Variants in PDZRN4 observed in about 807,000 individuals in gnomAD.
The protein encoded by PDZRN4 is PDZ domain containing ring finger 4.
In PDZRN4, 70 loss-of-function variants were observed where a neutral mutation model predicts 99.0. The observed-to-expected ratio is 0.71, with a 90% CI of 0.58 to 0.86. The LOEUF is 0.86. PDZRN4 is among the 40% of genes least tolerant of loss of function. The probability of loss-of-function intolerance (pLI) is 0.00; values close to 1 mark genes in which losing one functional copy is unlikely to be tolerated. For missense variants in PDZRN4, 1,474 were observed against 1,331.2 expected (o/e 1.11, Z -1.67); for synonymous variants, 551 against 501.6 (o/e 1.10, Z -1.32).
chr12:41,555,653 G>T, intron 6 of PDZRN4, 45 bp from the exon 7 acceptor site: 1 of 1,425,740 alleles, frequency 7.0e-7, no homozygotes, highest in Non-Finnish European at 9.9e-7. Flanking sequence ...GTTCTTGAGG[G>T]AATGTTTCAT....
Position 41,327,984 on chromosome 12 carries a change from G to A in PDZRN4, c.843+133796G>A, listed in dbSNP as rs537728591. The stretch of plus-strand genomic sequence containing the variant: ...TTTTTGTTTATGCTGGGACATGGCT[G>A]ATATTAGCAAAACTACACTAATGAA... On this transcript the variant is annotated intron_variant, in intron 3 of 9. Coordinates refer to ENST00000402685, the MANE Select transcript of PDZRN4 (RefSeq NM_001164595.2). 2.0e-5 allele frequency among the ~76,000 whole-genome samples: 3 copies of A among 152,166 alleles called. No individual in the cohort carries two copies. In the South Asian group the frequency reaches 6.2e-4, roughly 32 times the overall value.
intron 3 of PDZRN4, among the ~76,000 whole-genome samples, chr12:41,378,453 TC>T (rs1303066447): frequency 6.6e-6 from 1 of 151,816 alleles, no homozygotes; most frequent in Admixed American, 6.6e-5. Flanking sequence ...ATTGTCTTTA[TC>T]CAATTTTCAT....
At chr12:41,501,142 T>C (rs961247233) in intron 3 of PDZRN4, among the ~76,000 whole-genome samples, 8 of 152,194 alleles carry the variant, frequency 5.3e-5, no homozygotes, top group South Asian at 2.1e-4. Context: ...GCTTCTTTTA[T>C]GGCGCCTTCT....
At chr12:41,400,781 T>C (rs1218405058) in intron 3 of PDZRN4, among the ~76,000 whole-genome samples, 1 of 152,192 alleles carries the variant, frequency 6.6e-6, no homozygotes, top group Non-Finnish European at 1.5e-5. Context: ...CAGATGTTGC[T>C]TTACAAGTCA....
At chr12:41,564,022 A>G (rs1452145533) in intron 8 of PDZRN4, among the ~76,000 whole-genome samples, 3 of 152,194 alleles carry the variant, frequency 2.0e-5, no homozygotes, top group Non-Finnish European at 4.4e-5. Context: ...ATAAATACTC[A>G]AATGAAAAAT....
rs1001803283 is a variant in PDZRN4 at position 41,188,415 on chromosome 12, C to G, written c.-41C>G. On this transcript the variant is annotated 5_prime_UTR_variant, in exon 1 of 10. Coordinates refer to ENST00000402685, the MANE Select transcript of PDZRN4 (RefSeq NM_001164595.2). ...GGAAGGCAGGGGGGCTCGGAGAAGA[C>G]GGACTCTGCTTTCGCTCCCCCTTTC... The G allele has an allele frequency of 4.7e-6, 7 of 1,490,370 alleles. No homozygotes were observed. The East Asian group carries it at 1.3e-4, about 27-fold the overall frequency. 92.3% of individuals were successfully genotyped at this position (1,490,370 alleles called of 1,614,324 possible).
chr12:41,202,511 C>G (rs1950823775), intron 3 of PDZRN4, among the ~76,000 whole-genome samples: 1 of 152,016 alleles, frequency 6.6e-6, no homozygotes, highest in East Asian at 1.9e-4. Context: ...GGTGCCTGAT[C>G]CTCTTAAGCC....
At chr12:41,203,455 G>A (rs1950829851) in intron 3 of PDZRN4, among the ~76,000 whole-genome samples, 1 of 152,026 alleles carries the variant, frequency 6.6e-6, no homozygotes, top group African/African-American at 2.4e-5. Context: ...CAAATGACAA[G>A]GTAGGACTTG....
At chr12:41,473,594 A>C (rs946993134) in intron 3 of PDZRN4, 2 of 152,154 alleles carry the variant, frequency 1.3e-5, no homozygotes, top group Non-Finnish European at 2.9e-5. Flanking sequence ...AACTGCACAC[A>C]CTGCATGTTT....
chr12:41,388,349 A>G (rs1397903115), intron 3 of PDZRN4, among the ~76,000 whole-genome samples: 2 of 151,932 alleles, frequency 1.3e-5, no homozygotes, highest in Non-Finnish European at 1.5e-5. Context: ...TACCTATGTA[A>G]CAAACTACAC....
chr12:41,467,644 A>T (rs1952941180), intron 3 of PDZRN4, among the ~76,000 whole-genome samples: 1 of 151,988 alleles, frequency 6.6e-6, no homozygotes, highest in Non-Finnish European at 1.5e-5. Context: ...TAACACATCC[A>T]CTCTTACCTT....
At chr12:41,508,928 T>G (rs1938255999) in intron 4 of PDZRN4, among the ~76,000 whole-genome samples, 1 of 152,152 alleles carries the variant, frequency 6.6e-6, no homozygotes, top group African/African-American at 2.4e-5. Flanking sequence ...AACTTGTCAA[T>G]TGTATTTAGG....
At chr12:41,314,758 T>C (rs1479759582) in intron 3 of PDZRN4, among the ~76,000 whole-genome samples, 1 of 152,184 alleles carries the variant, frequency 6.6e-6, no homozygotes, top group Non-Finnish European at 1.5e-5. Context: ...TTTTTGCTTT[T>C]GTTTTTCCCA....
At chr12:41,539,977 C>T (rs1052826107) in intron 5 of PDZRN4, among the ~76,000 whole-genome samples, 3 of 152,050 alleles carry the variant, frequency 2.0e-5, no homozygotes, top group Non-Finnish European at 4.4e-5. Context: ...AGATGTAATG[C>T]ATTTCATGTA....
intron 3 of PDZRN4, among the ~76,000 whole-genome samples, chr12:41,207,626 A>G (rs1950860528): frequency 1.3e-5 from 2 of 151,814 alleles, no homozygotes; most frequent in South Asian, 2.1e-4. Context: ...TTCAATCAGA[A>G]TGGTAAGGAT....
chr12:41,457,439 C>T (rs1379762), intron 3 of PDZRN4, among the ~76,000 whole-genome samples: 78,387 of 151,692 alleles, frequency 0.52, 20,749 homozygotes, highest in African/African-American at 0.65. Flanking sequence ...ATTTTAAAGA[C>T]GATTTTCTTT....
At chr12:41,343,309 T>C (rs961318022) in intron 3 of PDZRN4, among the ~76,000 whole-genome samples, 7 of 152,036 alleles carry the variant, frequency 4.6e-5, no homozygotes, top group Admixed American at 6.6e-5. Context: ...GTTTCATTTT[T>C]AATTGAGCTT....
rs10880080 is a variant in PDZRN4 at position 41,487,871 on chromosome 12, A to G, written c.844-18585A>G. On this transcript the variant is annotated intron_variant, in intron 3 of 9. Transcript: ENST00000402685. ...TTCCCAAATTGGAGTTAAACTTAAG[A>G]AAGTAGTTCTTCATTCGGTAAACAT... Among the ~76,000 whole-genome samples the G allele has an allele frequency of 5.3e-3, 803 of 152,340 alleles. 39 individuals carry two copies. The East Asian group carries it at 0.12, about 24-fold the overall frequency.
intron 3 of PDZRN4, among the ~76,000 whole-genome samples, chr12:41,475,890 G>C (rs1953038694): frequency 6.6e-6 from 1 of 152,050 alleles, no homozygotes. Context: ...AATGTTGTCT[G>C]TACCATTTTT....
Sources: gnomAD v4.1 joint callset for allele counts (sites outside exome capture counted in the v4.1 genomes callset) on GRCh38, gnomAD v4.1.1 for gene constraint, MANE v1.5 for transcripts, NCBI Gene and HGNC (gene_info 2026-07-23, HGNC 2026-07-21) for gene names.